Variants in RAB11FIP2 observed in about 807,000 individuals in gnomAD.
RAB11FIP2 encodes the protein RAB11 family interacting protein 2, also known as rab11 family-interacting protein 2.
Under a neutral mutation model 40.9 loss-of-function variants are expected in RAB11FIP2, and 16 were observed. The ratio of observed to expected loss-of-function variants is 0.39; its 90% CI spans 0.26 to 0.59. The LOEUF (loss-of-function observed/expected upper bound fraction) is 0.59. Ranked by LOEUF, RAB11FIP2 falls within the 20% of genes least tolerant of loss-of-function variation. The pLI, the probability that RAB11FIP2 is intolerant of heterozygous loss-of-function variation, is 0.53. For synonymous variants in RAB11FIP2, 228 were observed against 213.7 expected (o/e 1.07, Z -0.58); for missense variants, 532 against 606.2 (o/e 0.88, Z 1.28).
intron 4 of RAB11FIP2, among the ~76,000 whole-genome samples, chr10:118,013,872 A>G (rs528071011): frequency 1.3e-5 from 2 of 152,272 alleles, no homozygotes; most frequent in Middle Eastern, 3.4e-3. Context: ...AGGTTACTTA[A>G]TAAACAATAG....
intron 4 of RAB11FIP2, among the ~76,000 whole-genome samples, chr10:118,012,639 G>C (rs1846172572): frequency 2.0e-5 from 3 of 151,810 alleles, no homozygotes; most frequent in Middle Eastern, 6.8e-3. Context: ...TATTTTTTTA[G>C]AGAGGAAAAC....
At chr10:118,034,265 T>C (rs934633481) in intron 3 of RAB11FIP2, among the ~76,000 whole-genome samples, 1 of 151,612 alleles carries the variant, frequency 6.6e-6, no homozygotes, top group African/African-American at 2.4e-5. Context: ...GTGTTAAGAG[T>C]GTTAAGAGGA....
In RAB11FIP2 at chr10:118,040,125, C is replaced by T; in HGVS notation, c.794G>A (p.Ser265Asn). 6.2e-7 allele frequency: 1 copy of T among 1,611,344 alleles called. No homozygotes were observed. Among genetic ancestry groups the T allele is most frequent in the South Asian group, 1.1e-5 (1 of 90,790 alleles). ...GTACACAAGAATGTGACACTTACCACTTTCTGGAACTGTTCCAAAGGAATC... is the reference window on the plus strand; with the variant it reads ...GTACACAAGAATGTGACACTTACCATTTTCTGGAACTGTTCCAAAGGAATC... ...QLDSFGTVPESGSLKSPHRRT... is the reference protein window; with the variant it reads ...QLDSFGTVPENGSLKSPHRRT... Residue 265 changes from serine to asparagine, a missense_variant and splice_region_variant, in exon 2 of 5, where the codon AGT becomes AAT. Ser to Asn is a conservative substitution (Grantham distance 46). Transcript: ENST00000355624.
In RAB11FIP2 at chr10:118,038,974, T is replaced by G. The variant is rs1846515738; in HGVS notation, c.1263A>C (p.Ser421=). 6.3e-7 allele frequency: 1 copy of G among 1,579,652 alleles called. No individual in the cohort carries two copies. The highest frequency in any genetic ancestry group is 8.6e-7 in the Non-Finnish European group (1 of 1,163,964). Reference sequence around the variant, plus strand: ...AACTTCCCCCATATTAAGCTTACCTTGAAGATGGCATTATATTTGAAGCCC... The same window carrying G: ...AACTTCCCCCATATTAAGCTTACCTGGAAGATGGCATTATATTTGAAGCCC... ...KFRASNIMPS[S]SFHMSPTSNE... Residue 421 remains serine (S), a splice_region_variant and synonymous_variant, in exon 3 of 5, where the codon TCA becomes TCC. Transcript: ENST00000355624.
chr10:118,022,371 C>T (rs914971558), intron 3 of RAB11FIP2, among the ~76,000 whole-genome samples: 2 of 152,164 alleles, frequency 1.3e-5, no homozygotes, highest in Non-Finnish European at 2.9e-5. Context: ...TTCTCAAGCT[C>T]AAGTCTAACC....
chr10:118,046,391 T>G lies in RAB11FIP2; in HGVS notation c.-228A>C. 2 of 546,946 alleles carry G rather than the reference T, an allele frequency of 3.7e-6. No homozygotes were observed. The highest frequency in any genetic ancestry group is 6.5e-6 in the Non-Finnish European group (2 of 307,538). 33.9% of individuals were successfully genotyped at this position (546,946 alleles called of 1,614,324 possible). ...TCTGGAGAAACACAGAGGCCCACCATCACCTGGCCGCGCCGTGCAGGCCTC... is the reference window on the plus strand; with the variant it reads ...TCTGGAGAAACACAGAGGCCCACCAGCACCTGGCCGCGCCGTGCAGGCCTC... On this transcript the variant is annotated 5_prime_UTR_variant, in exon 1 of 5. It removes an upstream start codon present in the reference 5' UTR. Transcript: ENST00000355624.
chr10:118,021,384 A>G (rs1846281791), intron 3 of RAB11FIP2, among the ~76,000 whole-genome samples: 1 of 152,216 alleles, frequency 6.6e-6, no homozygotes, highest in Non-Finnish European at 1.5e-5. Flanking sequence ...TACAATCAGA[A>G]TCCCATCTGA....
At chr10:118,039,684 C>T in intron 2 of RAB11FIP2, 1 of 450,700 alleles carries the variant, frequency 2.2e-6, no homozygotes, top group East Asian at 3.6e-5. Context: ...ATCATATAAA[C>T]TATGATGTCA....
Position 118,025,858 on chromosome 10 carries a change from C to A in RAB11FIP2, c.1266-10748G>T, listed in dbSNP as rs150628405. Among the ~76,000 whole-genome samples, 1,429 of 152,330 alleles carry A rather than the reference C, an allele frequency of 9.4e-3. 9 individuals carry two copies. The highest frequency in any genetic ancestry group is 0.017 in the Middle Eastern group (5 of 294). ...TTCTACCTTTTCTGTAATGCCTAGA[C>A]TGCCTAACCTTATCCATCTAATCTA... On this transcript the variant is annotated intron_variant, in intron 3 of 4. Transcript: ENST00000355624.
intron 4 of RAB11FIP2, among the ~76,000 whole-genome samples, chr10:118,013,203 G>A (rs185232803): frequency 1.3e-5 from 2 of 151,938 alleles, no homozygotes; most frequent in Non-Finnish European, 2.9e-5. Flanking sequence ...TGACATCCAA[G>A]GCAACTAGAG....
rs1846634735 is a variant in RAB11FIP2, at chr10:118,046,229, A to C, written c.-66T>G. 1.5e-6 allele frequency: 2 copies of C among 1,345,956 alleles called. No homozygotes were observed. Among genetic ancestry groups the C allele is most frequent in the South Asian group, 2.6e-5 (2 of 78,288 alleles). 83.4% of individuals were successfully genotyped at this position (1,345,956 alleles called of 1,614,324 possible). A position where few individuals can be genotyped will look rare whatever the true frequency, so the allele number is the denominator to read the frequency against. Reference sequence around the variant, plus strand: ...AGTGCCCCTCCCGGAGGGAGAGCCTAATTCCTTAATCACTGCATCCTAAGG... The same window carrying C: ...AGTGCCCCTCCCGGAGGGAGAGCCTCATTCCTTAATCACTGCATCCTAAGG... On this transcript the variant is annotated 5_prime_UTR_variant, in exon 1 of 5. In the 5' UTR this introduces an upstream ATG that the reference lacks. Coordinates refer to ENST00000355624, the MANE Select transcript of RAB11FIP2 (RefSeq NM_014904.3).
rs1212289910 is a variant in RAB11FIP2 at position 118,008,795 on chromosome 10, T to C, written c.*203A>G. 4 of 561,362 alleles carry C rather than the reference T, an allele frequency of 7.1e-6. No homozygotes were observed. The East Asian group carries it at 9.0e-5, about 13-fold the overall frequency. 34.8% of individuals were successfully genotyped at this position (561,362 alleles called of 1,614,324 possible). A position where few individuals can be genotyped will look rare whatever the true frequency, so the allele number is the denominator to read the frequency against. ...TTGAGAATCTGGCCCATTTTCAATTTAAACATTTAAATGATTTAGCTTGCT... is the reference window on the plus strand; with the variant it reads ...TTGAGAATCTGGCCCATTTTCAATTCAAACATTTAAATGATTTAGCTTGCT... On this transcript the variant is annotated 3_prime_UTR_variant, in exon 5 of 5. Transcript: ENST00000355624.
At chr10:118,009,401 G>A (rs976899311) in intron 4 of RAB11FIP2, among the ~76,000 whole-genome samples, 176 bp from the exon 5 acceptor site, 2 of 152,136 alleles carry the variant, frequency 1.3e-5, no homozygotes, top group African/African-American at 4.8e-5. Context: ...GCAAGAACTA[G>A]GGCAGATGCA....
chr10:118,024,470 C>CGTGTGTGTGTGTGTGTGTGTGTGT (rs55723398), intron 3 of RAB11FIP2, among the ~76,000 whole-genome samples: 1 of 131,810 alleles, frequency 7.6e-6, no homozygotes, highest in East Asian at 2.3e-4. Context: ...TCATCATCAT[C>CGTGTGTGTGTGTGTGTGTGTGTGT]GTGTGTGTGT....
chr10:118,038,896 C>T (rs1846514946), intron 3 of RAB11FIP2, 76 bp downstream of exon 3: 6 of 920,352 alleles, frequency 6.5e-6, no homozygotes, highest in Non-Finnish European at 9.6e-6. Context: ...AATATTCTAG[C>T]ATTTAAAAGA....
chr10:118,031,800 T>C (rs1398937286), intron 3 of RAB11FIP2, among the ~76,000 whole-genome samples: 2 of 152,048 alleles, frequency 1.3e-5, no homozygotes, highest in Non-Finnish European at 1.5e-5. Context: ...GAACATACCA[T>C]TTAGTTATTC....
intron 3 of RAB11FIP2, among the ~76,000 whole-genome samples, chr10:118,036,887 T>C (rs1305167343): frequency 6.6e-6 from 1 of 152,132 alleles, no homozygotes; most frequent in Non-Finnish European, 1.5e-5. Context: ...ACAGGCACTT[T>C]TAAAACCCGT....
At position 118,015,103 on chromosome 10, in the gene RAB11FIP2, T is replaced by A. The variant is rs779295613; in HGVS notation, c.1273A>T (p.Met425Leu). Residue 425 changes from methionine (M) to leucine (L), a missense_variant, in exon 4 of 5, where the codon ATG becomes TTG. Met to Leu is a conservative substitution (Grantham distance 15). Coordinates refer to ENST00000355624, the MANE Select transcript of RAB11FIP2 (RefSeq NM_014904.3). ...AGGTCTTCATTGCTTGTTGGACTCA[T>A]ATGAAAACTAATAAAACACAAACAA... ...SNIMPSSSFHMSPTSNEDLRK... is the reference protein window; with the variant it reads ...SNIMPSSSFHLSPTSNEDLRK... The A allele has an allele frequency of 1.2e-6, 2 of 1,608,452 alleles. No homozygotes were observed. Among genetic ancestry groups the A allele is most frequent in the South Asian group, 2.2e-5 (2 of 90,088 alleles).
intron 3 of RAB11FIP2, among the ~76,000 whole-genome samples, chr10:118,027,765 T>C (rs1360784761): frequency 6.6e-6 from 1 of 152,162 alleles, no homozygotes; most frequent in Non-Finnish European, 1.5e-5. Flanking sequence ...GCTAATGATA[T>C]AATAGTATTT....
Sources: allele counts gnomAD v4.1 joint callset (sites outside exome capture counted in the v4.1 genomes callset), GRCh38; gene constraint gnomAD v4.1.1; transcripts MANE v1.5; gene names NCBI Gene and HGNC (gene_info 2026-07-23, HGNC 2026-07-21).